The following DIAPH3 variants were observed in gnomAD, a reference collection of about 807,000 sequenced individuals.
DIAPH3 encodes diaphanous related formin 3.
In DIAPH3, 117 loss-of-function variants were observed where a neutral mutation model predicts 144.3. The observed-to-expected ratio is 0.81, with a 90% CI of 0.70 to 0.95. The LOEUF (loss-of-function observed/expected upper bound fraction) is 0.95. Ranked by LOEUF, DIAPH3 falls within the 40% of genes least tolerant of loss-of-function variation. The pLI, the probability that DIAPH3 is intolerant of heterozygous loss-of-function variation, is 0.00. For missense variants in DIAPH3, 1,421 were observed against 1,412.7 expected (o/e 1.01, Z -0.09); for synonymous variants, 519 against 488.9 (o/e 1.06, Z -0.81).
chr13:59,925,139 C>T (rs1421794746), intron 17 of DIAPH3, among the ~76,000 whole-genome samples: 1 of 151,918 alleles, frequency 6.6e-6, no homozygotes, highest in Non-Finnish European at 1.5e-5. Flanking sequence ...CTATGGAAAC[C>T]AATACCAATG....
intron 14 of DIAPH3, among the ~76,000 whole-genome samples, chr13:59,979,837 A>G (rs541522690): frequency 1.4e-4 from 21 of 151,780 alleles, no homozygotes; most frequent in African/African-American, 5.1e-4. Flanking sequence ...CATGGTGACA[A>G]CAGTAGTAAG....
Position 60,123,478 on chromosome 13 carries a change from C to G in DIAPH3, c.213+9479G>C, listed in dbSNP as rs182183615. Among the ~76,000 whole-genome samples, 170 of 152,262 alleles carry G rather than the reference C, an allele frequency of 1.1e-3. 1 individual carries two copies. Among genetic ancestry groups the G allele is most frequent in the African/African-American group, 3.9e-3 (164 of 41,542 alleles). On this transcript the variant is annotated intron_variant, in intron 2 of 27. Coordinates refer to ENST00000400324, the MANE Select transcript of DIAPH3 (RefSeq NM_001042517.2). ...AAGTTTGTGCTGATTTGAGGAGGAG[C>G]TCTCTAAACTATCCTATAAATATTT...
intron 17 of DIAPH3, among the ~76,000 whole-genome samples, chr13:59,936,540 A>ATCT (rs1423710277): frequency 5.3e-5 from 8 of 152,222 alleles, no homozygotes; most frequent in Non-Finnish European, 1.0e-4. Flanking sequence ...ATAATCCTGA[A>ATCT]AAGTTAAGCC....
intron 17 of DIAPH3, among the ~76,000 whole-genome samples, chr13:59,959,907 T>C (rs996327895): frequency 6.6e-6 from 1 of 152,144 alleles, no homozygotes; most frequent in Non-Finnish European, 1.5e-5. Context: ...TAAGCTGAAA[T>C]TGAAGGGAAA....
At chr13:59,781,987 T>G (rs1457422916) in intron 25 of DIAPH3, among the ~76,000 whole-genome samples, 1 of 152,086 alleles carries the variant, frequency 6.6e-6, no homozygotes, top group Non-Finnish European at 1.5e-5. Context: ...GGCATAAAAT[T>G]TGCTGGCATC....
At chr13:59,703,581 T>C (rs535147440) in intron 27 of DIAPH3, among the ~76,000 whole-genome samples, 2 of 152,332 alleles carry the variant, frequency 1.3e-5, no homozygotes, top group African/African-American at 2.4e-5. Context: ...TTTTCGGTTC[T>C]AGAATTTCCA....
At chr13:59,831,997 A>G (rs180867368) in intron 24 of DIAPH3, among the ~76,000 whole-genome samples, 10 of 151,992 alleles carry the variant, frequency 6.6e-5, no homozygotes, top group Admixed American at 1.3e-4. Flanking sequence ...TCAGACACAT[A>G]ACTCGTATGA....
At chr13:60,031,809 T>G (rs2054823497) in intron 5 of DIAPH3, among the ~76,000 whole-genome samples, 1 of 131,228 alleles carries the variant, frequency 7.6e-6, no homozygotes. Context: ...AGTGGCACGA[T>G]CTTGGCTCAC....
At position 59,822,573 on chromosome 13, in the gene DIAPH3, T is replaced by C. The variant is rs530124836; in HGVS notation, c.3027+10534A>G. 2.6e-4 allele frequency among the ~76,000 whole-genome samples: 40 copies of C among 152,196 alleles called. 1 individual carries two copies. The South Asian group carries it at 8.3e-3, about 32-fold the overall frequency. On this transcript the variant is annotated intron_variant, in intron 24 of 27. Transcript: ENST00000400324. Reference sequence around the variant, plus strand: ...CCCCTGCCTCAGCCTCCCAAGTAGCTGGGACTACAGGTGTGCACCAACATG... The same window carrying C: ...CCCCTGCCTCAGCCTCCCAAGTAGCCGGGACTACAGGTGTGCACCAACATG...
intron 24 of DIAPH3, among the ~76,000 whole-genome samples, chr13:59,815,110 G>T (rs2040697667): frequency 1.3e-5 from 2 of 152,052 alleles, no homozygotes; most frequent in South Asian, 4.1e-4. Flanking sequence ...CAACATTTTT[G>T]AACAGTATGA....
chr13:60,128,324 GAT>G (rs1426776819), intron 2 of DIAPH3, among the ~76,000 whole-genome samples: 1 of 152,126 alleles, frequency 6.6e-6, no homozygotes, highest in African/African-American at 2.4e-5. Context: ...TGGGCATTTA[GAT>G]TGATTCCATG....
intron 4 of DIAPH3, among the ~76,000 whole-genome samples, chr13:60,091,868 G>C (rs1293113418): frequency 6.6e-6 from 1 of 151,374 alleles, no homozygotes; most frequent in Non-Finnish European, 1.5e-5. Flanking sequence ...TTAGAGACAG[G>C]GTCTCACTCT....
chr13:59,821,336 A>G (rs996472121), intron 24 of DIAPH3, among the ~76,000 whole-genome samples: 1 of 152,096 alleles, frequency 6.6e-6, no homozygotes, highest in Admixed American at 6.6e-5. Flanking sequence ...AACCTTAATA[A>G]AAGGCAATGC....
intron 21 of DIAPH3, among the ~76,000 whole-genome samples, chr13:59,868,039 C>G (rs1729046745): frequency 6.6e-6 from 1 of 152,078 alleles, no homozygotes. Flanking sequence ...GAAGTCATGG[C>G]AGGGTCGCAG....
chr13:59,857,065 G>C (rs1732342961), intron 22 of DIAPH3, among the ~76,000 whole-genome samples: 1 of 152,026 alleles, frequency 6.6e-6, no homozygotes, highest in African/African-American at 2.4e-5. Context: ...TCTGCTGCAG[G>C]GGATATAAAA....
At position 60,053,461 on chromosome 13, in the gene DIAPH3, C is replaced by T. The variant is rs145999542; in HGVS notation, c.496-10641G>A. Reference sequence around the variant, plus strand: ...CAAATGCAGCATAGAAAGAAAAGTACATAGATTCCTCTTATCATATTCTTT... The same window carrying T: ...CAAATGCAGCATAGAAAGAAAAGTATATAGATTCCTCTTATCATATTCTTT... On this transcript the variant is annotated intron_variant, in intron 4 of 27. Coordinates refer to ENST00000400324, the MANE Select transcript of DIAPH3 (RefSeq NM_001042517.2). Among the ~76,000 whole-genome samples, 1,143 of 152,224 alleles carry T rather than the reference C, an allele frequency of 7.5e-3. 15 individuals are homozygous for T. The highest frequency in any genetic ancestry group is 0.025 in the African/African-American group (1,059 of 41,558).
chr13:59,908,925 A>G (rs2140223043), intron 20 of DIAPH3, among the ~76,000 whole-genome samples: 1 of 152,238 alleles, frequency 6.6e-6, no homozygotes, highest in African/African-American at 2.4e-5. Flanking sequence ...CACTACCCCA[A>G]ACTCTTGACT....
At chr13:59,928,654 T>C (rs1208088815) in intron 17 of DIAPH3, among the ~76,000 whole-genome samples, 1 of 152,196 alleles carries the variant, frequency 6.6e-6, no homozygotes, top group Non-Finnish European at 1.5e-5. Context: ...TCATCAGCAG[T>C]GTCTGAGATT....
chr13:59,909,774 G>A (rs2046905453), intron 20 of DIAPH3, among the ~76,000 whole-genome samples: 2 of 152,140 alleles, frequency 1.3e-5, no homozygotes, highest in South Asian at 4.1e-4. Flanking sequence ...GATTAAGTTT[G>A]AGTTGACATG....
Sources: allele counts gnomAD v4.1 joint callset (sites outside exome capture counted in the v4.1 genomes callset), GRCh38; gene constraint gnomAD v4.1.1; transcripts MANE v1.5; gene names NCBI Gene and HGNC (gene_info 2026-07-23, HGNC 2026-07-21).